The following FAM193A variants were observed in gnomAD, a reference collection of about 807,000 sequenced individuals.
FAM193A encodes protein FAM193A.
FAM193A carries 22 observed loss-of-function variants against 126.5 expected under a neutral mutation model. The observed-to-expected ratio is 0.17, with a 90% CI of 0.12 to 0.25. The LOEUF (loss-of-function observed/expected upper bound fraction) is 0.25. Among genes scored for constraint, FAM193A ranks in the 10% least tolerant of loss-of-function variants. FAM193A has a pLI of 1.00. For missense variants in FAM193A, 1,675 were observed against 1,672.8 expected, an observed-to-expected ratio of 1.00 and a Z score of -0.02; for synonymous variants, 761 against 646.8, an observed-to-expected ratio of 1.18 and a Z score of -2.68.
At chr4:2,731,100 G>T (rs776181567) in intron 20 of FAM193A, among the ~76,000 whole-genome samples, 7 of 150,684 alleles carry the variant, frequency 4.6e-5, no homozygotes, top group Non-Finnish European at 1.0e-4. Flanking sequence ...GGAGGCTGAG[G>T]CAGGAGAATC....
At chr4:2,635,738 A>C (rs554696675) in intron 5 of FAM193A, among the ~76,000 whole-genome samples, 28 of 152,224 alleles carry the variant, frequency 1.8e-4, no homozygotes, top group African/African-American at 6.5e-4. Context: ...GGGTTTCACC[A>C]TGTTGGCCAG....
rs1265083738 is a variant in FAM193A, at chr4:2,601,215, T to TTTC, written c.501+4898_501+4900dup. ...CCTGATTTGTAGATTTGACTTTTTATTTCTTCTTCTTCTTTTTTTTTTTTT... is the reference window on the plus strand; with the variant it reads ...CCTGATTTGTAGATTTGACTTTTTATTTCTTCTTCTTCTTCTTTTTTTTTTTTT... On this transcript the variant is annotated intron_variant, in intron 2 of 20. Transcript: ENST00000637812. Among the ~76,000 whole-genome samples the TTTC allele has an allele frequency of 5.4e-4, 79 of 147,482 alleles. 1 individual carries two copies. The highest frequency in any genetic ancestry group is 1.7e-3 in the African/African-American group (69 of 39,586).
chr4:2,547,890 G>T lies in FAM193A; in HGVS notation c.255+10720G>T, dbSNP rs185533296. Among the ~76,000 whole-genome samples, 429 of 151,226 alleles carry T rather than the reference G, an allele frequency of 2.8e-3. 1 individual carries two copies. Among genetic ancestry groups the T allele is most frequent in the African/African-American group, 7.8e-3 (322 of 41,192 alleles). ...TCTGCCCACCTTGGCCTCCCAAAGTGCTGGGGTTGCAGGCGTGAGCCACTG... is the reference window on the plus strand; with the variant it reads ...TCTGCCCACCTTGGCCTCCCAAAGTTCTGGGGTTGCAGGCGTGAGCCACTG... On this transcript the variant is annotated intron_variant, in intron 1 of 20. Coordinates refer to ENST00000637812, the MANE Select transcript of FAM193A (RefSeq NM_001366318.2).
chr4:2,625,949 C>T (rs1217441363), intron 3 of FAM193A, among the ~76,000 whole-genome samples: 2 of 152,066 alleles, frequency 1.3e-5, no homozygotes, highest in East Asian at 1.9e-4. Flanking sequence ...GTCTCAAACT[C>T]CTGGACTCAA....
At position 2,555,563 on chromosome 4, in the gene FAM193A, G is replaced by C. The variant is rs1738197089; in HGVS notation, c.255+18393G>C. On this transcript the variant is annotated intron_variant, in intron 1 of 20. Coordinates refer to ENST00000637812, the MANE Select transcript of FAM193A (RefSeq NM_001366318.2). ...GGAGGCCAAGGCAGGAGGATCCCTT[G>C]AGCCCGGGATTTTGAGACCAGCCTG... 2.0e-5 allele frequency among the ~76,000 whole-genome samples: 3 copies of C among 152,202 alleles called. 1 individual carries two copies. The South Asian group carries it at 6.2e-4, about 32-fold the overall frequency.
intron 13 of FAM193A, among the ~76,000 whole-genome samples, chr4:2,688,721 A>C (rs1716030316): frequency 6.6e-6 from 1 of 152,252 alleles, no homozygotes; most frequent in Admixed American, 6.5e-5. Flanking sequence ...TTCGTGGTGC[A>C]AATGTGCAGG....
intron 20 of FAM193A, among the ~76,000 whole-genome samples, chr4:2,724,085 CTTA>C (rs1720468552): frequency 6.6e-6 from 1 of 150,514 alleles, no homozygotes; most frequent in South Asian, 2.1e-4. Context: ...TTTATTATCT[CTTA>C]TTAATACTAC....
intron 2 of FAM193A, among the ~76,000 whole-genome samples, chr4:2,597,351 T>G (rs1014008487): frequency 6.6e-6 from 1 of 152,228 alleles, no homozygotes; most frequent in Non-Finnish European, 1.5e-5. Flanking sequence ...TTTTTTTGTT[T>G]GTTTTTTTAC....
chr4:2,542,236 A>T (rs577490099), intron 1 of FAM193A, among the ~76,000 whole-genome samples: 1 of 152,016 alleles, frequency 6.6e-6, no homozygotes, highest in South Asian at 2.1e-4. Flanking sequence ...AGAACTCCTG[A>T]CCTTGTGATC....
chr4:2,692,034 A>C (rs998001886), intron 15 of FAM193A, among the ~76,000 whole-genome samples: 1 of 152,198 alleles, frequency 6.6e-6, no homozygotes, highest in African/African-American at 2.4e-5. Flanking sequence ...GAGTATTTCT[A>C]CTGTTCAAAA....
chr4:2,560,401 G>A (rs901368839), intron 1 of FAM193A, among the ~76,000 whole-genome samples: 4 of 152,040 alleles, frequency 2.6e-5, no homozygotes, highest in Non-Finnish European at 4.4e-5. Context: ...GTCCTGGCTC[G>A]GCCACACCAC....
intron 1 of FAM193A, among the ~76,000 whole-genome samples, chr4:2,537,820 A>G (rs1388875039): frequency 6.6e-6 from 1 of 152,142 alleles, no homozygotes; most frequent in Non-Finnish European, 1.5e-5. Flanking sequence ...TTAAGTTTTC[A>G]GGGGTATTTA....
chr4:2,639,619 A>T, intron 5 of FAM193A, 116 bp from the exon 6 acceptor site: 1 of 605,902 alleles, frequency 1.7e-6, no homozygotes, highest in Non-Finnish European at 2.6e-6. Context: ...GCCTGTGAAG[A>T]GGGATGTGTG....
intron 6 of FAM193A, among the ~76,000 whole-genome samples, chr4:2,642,814 G>T (rs1744773680): frequency 6.6e-6 from 1 of 150,410 alleles, no homozygotes; most frequent in Non-Finnish European, 1.5e-5. Flanking sequence ...CTCACTGCAA[G>T]CTCTGCCTCT....
chr4:2,711,492 A>T (rs1718969721), intron 19 of FAM193A, among the ~76,000 whole-genome samples: 1 of 151,626 alleles, frequency 6.6e-6, no homozygotes, highest in Admixed American at 6.6e-5. Flanking sequence ...GGCATGCACC[A>T]CCACGCCTGG....
In FAM193A at chr4:2,646,779, G is replaced by A. The variant is rs751822206; in HGVS notation, c.1258G>A (p.Ala420Thr). ...TTCCGAGGAGGAGCTGCGCAGAGTC[G>A]CCGAGGAGTGGCTGGAGTGCCAGAA... ...QRSEEELRRV[A>T]EEWLECQKRI... Residue 420 changes from alanine (A) to threonine (T), a missense_variant, in exon 7 of 21, where the codon GCC (alanine) becomes ACC (threonine). By Grantham distance (58) the Ala-to-Thr change is moderately conservative. Around this residue, in one of 4 missense-constraint regions of FAM193A, gnomAD observed 1,186 missense variants for 1,109.2 expected, o/e 1.07. Coordinates refer to ENST00000637812, the MANE Select transcript of FAM193A (RefSeq NM_001366318.2). 6 of 1,613,862 alleles carry A rather than the reference G, an allele frequency of 3.7e-6. No individual in the cohort carries two copies. The Middle Eastern group carries it at 4.9e-4, about 133-fold the overall frequency.
intron 2 of FAM193A, among the ~76,000 whole-genome samples, chr4:2,611,634 A>G (rs1741880813): frequency 2.6e-5 from 4 of 151,896 alleles, no homozygotes; most frequent in Admixed American, 2.6e-4. Context: ...TTCCATTTGT[A>G]TCTCTTTGGA....
At chr4:2,676,931 A>AT (rs1227217256) in intron 13 of FAM193A, among the ~76,000 whole-genome samples, 1 of 151,760 alleles carries the variant, frequency 6.6e-6, no homozygotes, top group East Asian at 1.9e-4. Flanking sequence ...ACAGAGCAAG[A>AT]TTCCGTCTCA....
Position 2,574,159 on chromosome 4 carries a change from C to T in FAM193A, c.256-21925C>T, listed in dbSNP as rs1577025967. On this transcript the variant is annotated intron_variant, in intron 1 of 20. Coordinates refer to ENST00000637812, the MANE Select transcript of FAM193A (RefSeq NM_001366318.2). ...TGGGGTAAAGGCTGGAGCAGGAAGA[C>T]CAGTTAGAGATGTGGTGTCAGTGTG... Among the ~76,000 whole-genome samples the T allele has an allele frequency of 2.6e-5, 4 of 152,116 alleles. No homozygotes were observed. The South Asian group carries it at 8.3e-4, about 32-fold the overall frequency.
Sources: allele counts gnomAD v4.1 joint callset (sites outside exome capture counted in the v4.1 genomes callset), GRCh38; gene constraint gnomAD v4.1.1; regional missense constraint gnomAD v4.1.1; transcripts MANE v1.5; gene names NCBI Gene and HGNC (gene_info 2026-07-23, HGNC 2026-07-21).